GRHL2: variants seen among roughly 807,000 people sequenced by gnomAD.
The protein encoded by GRHL2 is grainyhead like transcription factor 2.
A neutral mutation model predicts 83.8 loss-of-function variants in GRHL2; 21 were observed. The ratio of observed to expected loss-of-function variants is 0.25; its 90% confidence interval spans 0.18 to 0.36. The LOEUF is 0.36. GRHL2 is among the 10% of genes least tolerant of loss of function. The probability of loss-of-function intolerance (pLI) is 1.00; values close to 1 mark genes in which losing one functional copy is unlikely to be tolerated. For missense variants in GRHL2, 623 were observed against 781.8 expected (o/e 0.80, Z 2.42); for synonymous variants, 280 against 278.9 (o/e 1.00, Z -0.04).
At chr8:101,535,988 T>G (rs1044354018) in intron 1 of GRHL2, among the ~76,000 whole-genome samples, 1 of 152,168 alleles carries the variant, frequency 6.6e-6, no homozygotes, top group African/African-American at 2.4e-5. Flanking sequence ...TGGAAAATTT[T>G]CTGGAGGATG....
chr8:101,529,003 T>C (rs535107599), intron 1 of GRHL2: 10 of 380,144 alleles, frequency 2.6e-5, no homozygotes, highest in Non-Finnish European at 4.7e-5. Flanking sequence ...TCTCTCTCCC[T>C]GTGGTATTTC....
chr8:101,495,385 T>C (rs1214629335), intron 1 of GRHL2, among the ~76,000 whole-genome samples: 1 of 152,232 alleles, frequency 6.6e-6, no homozygotes, highest in Non-Finnish European at 1.5e-5. Flanking sequence ...CTTTTCAGAT[T>C]GAAACGTTCT....
chr8:101,537,373 T>C lies in GRHL2; in HGVS notation c.21-5868T>C, dbSNP rs959328738. On this transcript the variant is annotated intron_variant, in intron 1 of 15. Coordinates refer to ENST00000646743, the MANE Select transcript of GRHL2 (RefSeq NM_024915.4). ...AGAGGAGAACAGGTAGAACAGAAAT[T>C]AGGAAAGAATGGTTGGCTAAAGAGA... Among the ~76,000 whole-genome samples the C allele has an allele frequency of 1.1e-4, 17 of 152,000 alleles. 1 individual carries two copies. Among genetic ancestry groups the C allele is most frequent in the Admixed American group, 9.2e-4 (14 of 15,268 alleles).
chr8:101,627,281 G>T (rs907348463), intron 9 of GRHL2, among the ~76,000 whole-genome samples: 1 of 152,014 alleles, frequency 6.6e-6, no homozygotes, highest in African/African-American at 2.4e-5. Flanking sequence ...ATGTGTTCTT[G>T]TCTCCGTGTC....
chr8:101,667,454 C>T lies in GRHL2; in HGVS notation c.*751C>T, dbSNP rs553210949. On this transcript the variant is annotated 3_prime_UTR_variant, in exon 16 of 16. Transcript: ENST00000646743. ...AGACCGTTTTAATGGGGGTTTTTGCCTCTGTGCCTGTTCAAGAGACTTGCA... is the reference window on the plus strand; with the variant it reads ...AGACCGTTTTAATGGGGGTTTTTGCTTCTGTGCCTGTTCAAGAGACTTGCA... 6.5e-6 allele frequency: 1 copy of T among 153,292 alleles called. No individual in the cohort carries two copies. Among genetic ancestry groups the T allele is most frequent in the African/African-American group, 2.4e-5 (1 of 41,568 alleles). 9.5% of individuals were successfully genotyped at this position (153,292 alleles called of 1,614,324 possible). A position where few individuals can be genotyped will look rare whatever the true frequency, so the allele number is the denominator to read the frequency against.
chr8:101,608,735 T>TCTCTCACACA lies in GRHL2; in HGVS notation c.1098+9585_1098+9586insTCTCACACAC, dbSNP rs1326292897. ...ATTTGCTTTGTCTCTGCTCACTCTC[T>TCTCTCACACA]CACACACACACACACACACACACAC... On this transcript the variant is annotated intron_variant, in intron 8 of 15. Coordinates refer to ENST00000646743, the MANE Select transcript of GRHL2 (RefSeq NM_024915.4). Among the ~76,000 whole-genome samples, 88 of 144,776 alleles carry TCTCTCACACA rather than the reference T, an allele frequency of 6.1e-4. 5 individuals are homozygous for TCTCTCACACA. Among genetic ancestry groups the TCTCTCACACA allele is most frequent in the African/African-American group, 2.2e-3 (82 of 37,760 alleles). The allele number at this position is 144,776 out of a possible 152,430, so 95.0% of individuals were successfully genotyped here. A position where few individuals can be genotyped will look rare whatever the true frequency, so the allele number is the denominator to read the frequency against.
At chr8:101,576,657 G>C (rs1196515088) in intron 6 of GRHL2, among the ~76,000 whole-genome samples, 1 of 152,074 alleles carries the variant, frequency 6.6e-6, no homozygotes. Context: ...TTTTGGAAGA[G>C]GGTTGTTTTT....
rs1043006569 is a variant in GRHL2 at position 101,664,414 on chromosome 8, CCTT to C, written c.1699-37_1699-35del. 6.0e-6 allele frequency: 9 copies of C among 1,499,572 alleles called. No individual in the cohort carries two copies. The Admixed American group carries it at 1.0e-4, about 17-fold the overall frequency. The allele number at this position is 1,499,572 out of a possible 1,614,324, so 92.9% of individuals were successfully genotyped here. Reference sequence around the variant, plus strand: ...TTCCCCCTTGCCTCCAGTTGGGCGTCCTTCTGTGCTCATCTGCCTTCTTGTTAT... The same window carrying C: ...TTCCCCCTTGCCTCCAGTTGGGCGTCCTGTGCTCATCTGCCTTCTTGTTAT... On this transcript the variant is annotated intron_variant, in intron 14 of 15. Transcript: ENST00000646743.
At chr8:101,605,912 C>T (rs369988031) in intron 8 of GRHL2, among the ~76,000 whole-genome samples, 50 of 152,330 alleles carry the variant, frequency 3.3e-4, no homozygotes, top group African/African-American at 1.1e-3. Context: ...TCTCTAGCTC[C>T]TTTCCCTGGC....
At chr8:101,543,471 G>A (rs750449679) in intron 2 of GRHL2, 35 bp downstream of exon 2, 220 of 1,588,038 alleles carry the variant, frequency 1.4e-4, no homozygotes, top group Middle Eastern at 1.7e-4. Context: ...TCTTCTTCCT[G>A]CTCCAGGACA....
intron 13 of GRHL2, among the ~76,000 whole-genome samples, chr8:101,648,005 T>C (rs1234841731): frequency 6.6e-6 from 1 of 152,160 alleles, no homozygotes; most frequent in African/African-American, 2.4e-5. Context: ...TGGCAGGGTT[T>C]TTTGCCTTGT....
the GRHL2 span, among the ~76,000 whole-genome samples, chr8:101,678,168 G>A: frequency 3.3e-5 from 5 of 152,138 alleles, no homozygotes; most frequent in East Asian, 9.7e-4. Context: ...TCCATCTGAG[G>A]TACTGGGTTC....
chr8:101,592,075 G>A (rs2130290652), intron 7 of GRHL2, among the ~76,000 whole-genome samples: 1 of 149,208 alleles, frequency 6.7e-6, no homozygotes, highest in Non-Finnish European at 1.5e-5. Context: ...TTAATGACAG[G>A]TACAGCACTT....
intron 7 of GRHL2, among the ~76,000 whole-genome samples, chr8:101,585,420 A>C (rs1452439729): frequency 1.3e-5 from 2 of 152,038 alleles, no homozygotes; most frequent in African/African-American, 2.4e-5. Context: ...CTCCCAAATT[A>C]AAAAAACAAA....
intron 1 of GRHL2, among the ~76,000 whole-genome samples, chr8:101,498,373 G>A (rs916400585): frequency 6.6e-6 from 1 of 152,172 alleles, no homozygotes. Flanking sequence ...ACCCACCTTA[G>A]CCTCCCAAAG....
At chr8:101,533,103 T>C (rs1810972832) in intron 1 of GRHL2, among the ~76,000 whole-genome samples, 1 of 152,266 alleles carries the variant, frequency 6.6e-6, no homozygotes, top group Middle Eastern at 3.4e-3. Flanking sequence ...CTTGGTTTCC[T>C]AGGTCACATT....
At chr8:101,678,132 C>T in the GRHL2 span, among the ~76,000 whole-genome samples, 6 of 152,144 alleles carry the variant, frequency 3.9e-5, no homozygotes, top group South Asian at 2.1e-4. Flanking sequence ...GCGTGAGCGA[C>T]GCAGAAGACG....
intron 12 of GRHL2, among the ~76,000 whole-genome samples, chr8:101,637,994 T>G (rs1407652901): frequency 5.3e-5 from 8 of 152,222 alleles, no homozygotes; most frequent in Admixed American, 4.6e-4. Context: ...AATAAATATA[T>G]GTTCTGAACC....
chr8:101,557,054 C>T (rs1431917001), intron 3 of GRHL2, among the ~76,000 whole-genome samples: 1 of 151,808 alleles, frequency 6.6e-6, no homozygotes, highest in Admixed American at 6.6e-5. Context: ...CTGACCTTTT[C>T]TCTCTTTCCT....
Sources: allele counts gnomAD v4.1 joint callset (sites outside exome capture counted in the v4.1 genomes callset), GRCh38; gene constraint gnomAD v4.1.1; transcripts MANE v1.5; gene names NCBI Gene and HGNC (gene_info 2026-07-23, HGNC 2026-07-21).